The following ZNF184 variants were observed in gnomAD, a reference collection of about 807,000 sequenced individuals.
The protein encoded by ZNF184 is zinc finger protein 184 (Kruppel-like).
Under a neutral mutation model 54.4 loss-of-function variants are expected in ZNF184, and 16 were observed. The observed-to-expected ratio is 0.29, with a 90% confidence interval of 0.20 to 0.45. ZNF184 has a LOEUF of 0.45. ZNF184 is among the 20% of genes least tolerant of loss of function. The probability of loss-of-function intolerance (pLI) is 1.00; values close to 1 mark genes in which losing one functional copy is unlikely to be tolerated. For missense variants in ZNF184, 681 were observed against 888.2 expected (o/e 0.77, Z 2.97); for synonymous variants, 254 against 295.3 (o/e 0.86, Z 1.43).
intron 3 of ZNF184, among the ~76,000 whole-genome samples, chr6:27,458,866 G>T (rs930347309): frequency 2.6e-5 from 4 of 152,124 alleles, no homozygotes; most frequent in Non-Finnish European, 2.9e-5. Flanking sequence ...AGAAAATGTG[G>T]TATATATACA....
rs993214455 is a variant in ZNF184, at chr6:27,456,769, C to T, written c.298+57G>A. 5 of 1,451,064 alleles carry T rather than the reference C, an allele frequency of 3.4e-6. No individual in the cohort carries two copies. In the African/African-American group the frequency reaches 7.0e-5, roughly 20 times the overall value. The allele number at this position is 1,451,064 out of a possible 1,614,324, so 89.9% of individuals were successfully genotyped here. A position where few individuals can be genotyped will look rare whatever the true frequency, so the allele number is the denominator to read the frequency against. ...CTACACTTCAGACATAAAATCCTCT[C>T]TTATCAGGCTGACAGTCGGAGTTAA... On this transcript the variant is annotated intron_variant, in intron 5 of 5. Coordinates refer to ENST00000683788, the MANE Select transcript of ZNF184 (RefSeq NM_001318891.2).
At position 27,451,425 on chromosome 6, in the gene ZNF184, A is replaced by G; in HGVS notation, c.2134T>C (p.Tyr712His). Residue 712 changes from tyrosine to histidine, a missense_variant, in exon 6 of 6, where the codon TAT becomes CAT. By Grantham distance (83) the Tyr-to-His change is moderately conservative. Coordinates refer to ENST00000683788, the MANE Select transcript of ZNF184 (RefSeq NM_001318891.2). ...TGAATTCTCTGGTGCTGAATGAGAT[A>G]TGTGCTCTGGCTAAAAGTCTTTCTG... ...ECRKTFSQSTYLIQHQRIHSG... is the reference protein window; with the variant it reads ...ECRKTFSQSTHLIQHQRIHSG... 1 of 1,614,168 alleles carries G rather than the reference A, an allele frequency of 6.2e-7. No individual in the cohort carries two copies. The highest frequency in any genetic ancestry group is 1.3e-5 in the African/African-American group (1 of 75,056).
the ZNF184 span, among the ~76,000 whole-genome samples, chr6:27,428,271 G>A: frequency 2.8e-4 from 42 of 152,278 alleles, no homozygotes; most frequent in East Asian, 7.9e-3. This position sits in a 1 kb window ranked among gnomAD's most constrained non-coding sequence, Gnocchi z 4.1. Flanking sequence ...TGTGGGCAAA[G>A]CAGTTATTTC....
chr6:27,465,288 T>A (rs1302066611), intron 3 of ZNF184, among the ~76,000 whole-genome samples: 2 of 150,654 alleles, frequency 1.3e-5, no homozygotes, highest in African/African-American at 4.9e-5. Flanking sequence ...ATCGAGACCA[T>A]CCTGGCTAAC....
the ZNF184 span, among the ~76,000 whole-genome samples, chr6:27,422,632 T>G: frequency 6.6e-6 from 1 of 152,124 alleles, no homozygotes; most frequent in Non-Finnish European, 1.5e-5. Context: ...CCTCATGTGA[T>G]TCTCCTGTTT....
At chr6:27,429,420 G>A in the ZNF184 span, among the ~76,000 whole-genome samples, 1 of 152,152 alleles carries the variant, frequency 6.6e-6, no homozygotes. Flanking sequence ...ACTCAGCAAT[G>A]TTAACCTATG....
the ZNF184 span, among the ~76,000 whole-genome samples, chr6:27,444,009 C>T: frequency 6.6e-6 from 1 of 152,192 alleles, no homozygotes; most frequent in South Asian, 2.1e-4. Flanking sequence ...TGATTTGTCT[C>T]ATTTTGAACT....
Position 27,472,404 on chromosome 6 carries a change from G to A in ZNF184, c.-110C>T. 1 of 1,410,504 alleles carries A rather than the reference G, an allele frequency of 7.1e-7. No individual in the cohort carries two copies. Among genetic ancestry groups the A allele is most frequent in the Non-Finnish European group, 9.9e-7 (1 of 1,006,546 alleles). The allele number at this position is 1,410,504 out of a possible 1,614,324, so 87.4% of individuals were successfully genotyped here. A position where few individuals can be genotyped will look rare whatever the true frequency, so the allele number is the denominator to read the frequency against. ...CTCAGATGTCTAACTCCCCTTGCAG[G>A]GAATCTGCAACACGCTGAGGTTGTC... is the stretch of plus-strand genomic sequence containing the variant. On this transcript the variant is annotated 5_prime_UTR_variant, in exon 2 of 6. Transcript: ENST00000683788. This position sits in a 1 kb window ranked among gnomAD's most constrained non-coding sequence, Gnocchi z 4.8.
chr6:27,439,595 A>G, the ZNF184 span, among the ~76,000 whole-genome samples: 3 of 152,204 alleles, frequency 2.0e-5, no homozygotes, highest in African/African-American at 7.2e-5. Flanking sequence ...AGTTCATCTC[A>G]TCACATAGGT....
chr6:27,421,407 ATATT>A, the ZNF184 span, among the ~76,000 whole-genome samples: 2 of 152,220 alleles, frequency 1.3e-5, no homozygotes, highest in African/African-American at 2.4e-5. Flanking sequence ...AATAAAGTCT[ATATT>A]TATCCAATCT....
chr6:27,419,104 ATATT>A, the ZNF184 span, among the ~76,000 whole-genome samples: 27 of 151,700 alleles, frequency 1.8e-4, no homozygotes, highest in Admixed American at 4.6e-4. This position sits in a 1 kb window ranked among gnomAD's most constrained non-coding sequence, Gnocchi z 4.8. Flanking sequence ...ATTTTAGTAT[ATATT>A]TATTTATTTT....
the ZNF184 span, among the ~76,000 whole-genome samples, chr6:27,422,033 G>T: frequency 6.6e-6 from 1 of 151,556 alleles, no homozygotes; most frequent in African/African-American, 2.4e-5. Context: ...CCCAGCTACT[G>T]GGAAAGTTGA....
intron 4 of ZNF184, 112 bp from the exon 5 acceptor site, chr6:27,457,033 G>C: frequency 9.8e-7 from 1 of 1,023,070 alleles, no homozygotes; most frequent in Non-Finnish European, 1.4e-6. Flanking sequence ...AAACCTGATG[G>C]GAGTGGATAG....
At chr6:27,428,139 C>T in the ZNF184 span, among the ~76,000 whole-genome samples, 1 of 152,204 alleles carries the variant, frequency 6.6e-6, no homozygotes, top group Non-Finnish European at 1.5e-5. This position sits in a 1 kb window ranked among gnomAD's most constrained non-coding sequence, Gnocchi z 4.1. Context: ...TTCCTACTTT[C>T]ACATTGCTGT....
At chr6:27,447,074 A>T (rs941273367), downstream of ZNF184, among the ~76,000 whole-genome samples, 8 of 121,582 alleles carry the variant, frequency 6.6e-5, no homozygotes, top group East Asian at 6.2e-4. Flanking sequence ...ACTGCAATCA[A>T]AAAAAAAAAA....
At chr6:27,430,267 T>C in the ZNF184 span, among the ~76,000 whole-genome samples, 1 of 152,080 alleles carries the variant, frequency 6.6e-6, no homozygotes, top group African/African-American at 2.4e-5. Context: ...GAGTAGCATA[T>C]TTTAGGATGG....
At chr6:27,468,391 T>A (rs1447952723) in intron 2 of ZNF184, among the ~76,000 whole-genome samples, 1 of 152,236 alleles carries the variant, frequency 6.6e-6, no homozygotes, top group African/African-American at 2.4e-5. Flanking sequence ...TACTAATTGC[T>A]GGCAAGAATA....
At chr6:27,455,823 T>C (rs1232429977) in intron 5 of ZNF184, among the ~76,000 whole-genome samples, 1 of 152,196 alleles carries the variant, frequency 6.6e-6, no homozygotes, top group Non-Finnish European at 1.5e-5. Flanking sequence ...CCATTAACTC[T>C]AGAGACGTAT....
At chr6:27,416,637 G>A in the ZNF184 span, among the ~76,000 whole-genome samples, 2 of 152,194 alleles carry the variant, frequency 1.3e-5, no homozygotes, top group South Asian at 2.1e-4. Context: ...AAAGGCATCA[G>A]GTCCTTCAAA....
Sources: gnomAD v4.1 joint callset for allele counts (sites outside exome capture counted in the v4.1 genomes callset) on GRCh38, gnomAD v4.1.1 for gene constraint, Gnocchi (gnomAD v3.1) non-coding constraint, MANE v1.5 for transcripts, NCBI Gene and HGNC (gene_info 2026-07-23, HGNC 2026-07-21) for gene names.